The following CFAP299 variants were observed in gnomAD, a reference collection of about 807,000 sequenced individuals.
CFAP299 encodes cilia- and flagella-associated protein 299.
A neutral mutation model predicts 27.0 loss-of-function variants in CFAP299; 21 were observed. The observed-to-expected ratio is 0.78, with a 90% CI of 0.55 to 1.12. CFAP299 has a LOEUF of 1.12. Ranked by LOEUF, CFAP299 falls within the 50% of genes most tolerant of loss-of-function variation. CFAP299 has a pLI of 0.00. For missense variants in CFAP299, 310 were observed against 276.6 expected (o/e 1.12, Z -0.86); for synonymous variants, 104 against 98.1 (o/e 1.06, Z -0.36).
chr4:80,665,008 G>T (rs539709078), intron 3 of CFAP299, among the ~76,000 whole-genome samples: 2 of 152,062 alleles, frequency 1.3e-5, no homozygotes, highest in South Asian at 2.1e-4. Context: ...TGCACTTCCC[G>T]GGTGAGGCAA....
At chr4:80,419,316 G>A (rs1727172986) in intron 2 of CFAP299, among the ~76,000 whole-genome samples, 1 of 152,156 alleles carries the variant, frequency 6.6e-6, no homozygotes, top group Admixed American at 6.5e-5. Flanking sequence ...CCCTTGGGGT[G>A]GGCTGTTCAC....
At chr4:80,683,886 T>C in intron 3 of CFAP299, among the ~76,000 whole-genome samples, 1 of 152,240 alleles carries the variant, frequency 6.6e-6, no homozygotes, top group East Asian at 1.9e-4. Flanking sequence ...CAAAGCAATC[T>C]AGTGCATTTC....
intron 1 of CFAP299, among the ~76,000 whole-genome samples, chr4:80,339,807 A>G (rs1040762735): frequency 2.0e-5 from 3 of 152,232 alleles, no homozygotes; most frequent in African/African-American, 7.2e-5. Flanking sequence ...TTCTATTTAA[A>G]TAAACACAGG....
At chr4:80,785,463 C>G (rs941249253) in intron 3 of CFAP299, among the ~76,000 whole-genome samples, 6 of 152,042 alleles carry the variant, frequency 3.9e-5, no homozygotes, top group Admixed American at 3.9e-4. Flanking sequence ...ATTTTCATGG[C>G]CAGAATTTCA....
At chr4:80,906,997 C>T (rs1735217766) in intron 4 of CFAP299, among the ~76,000 whole-genome samples, 1 of 152,182 alleles carries the variant, frequency 6.6e-6, no homozygotes, top group Non-Finnish European at 1.5e-5. Context: ...TTCTTTACTA[C>T]CACATTGTCA....
At chr4:80,608,201 A>C in intron 3 of CFAP299, 1 of 567,132 alleles carries the variant, frequency 1.8e-6, no homozygotes, top group Non-Finnish European at 3.1e-6. Context: ...TGTTGTCGAG[A>C]CTAAGTAATT....
chr4:80,898,908 T>C (rs1002968615), intron 4 of CFAP299, among the ~76,000 whole-genome samples: 3 of 152,178 alleles, frequency 2.0e-5, no homozygotes, highest in Non-Finnish European at 4.4e-5. Context: ...ACAGCTTCTC[T>C]AAAGAGGTAA....
intron 3 of CFAP299, among the ~76,000 whole-genome samples, chr4:80,659,346 A>C (rs1221080391): frequency 2.0e-5 from 3 of 152,074 alleles, no homozygotes; most frequent in Admixed American, 2.0e-4. Context: ...TCAATGAAAA[A>C]AAAACAAAAG....
intron 3 of CFAP299, among the ~76,000 whole-genome samples, chr4:80,718,124 T>G (rs1483961653): frequency 6.6e-6 from 1 of 152,070 alleles, no homozygotes; most frequent in African/African-American, 2.4e-5. Context: ...TTAGGAATCA[T>G]CAGTATAGTT....
At chr4:80,825,220 C>T (rs993471235) in intron 3 of CFAP299, among the ~76,000 whole-genome samples, 11 of 150,568 alleles carry the variant, frequency 7.3e-5, no homozygotes, top group Non-Finnish European at 1.0e-4. Flanking sequence ...TTATTATGTC[C>T]GAGGAAAAGA....
intron 3 of CFAP299, among the ~76,000 whole-genome samples, chr4:80,743,796 C>T (rs1233589542): frequency 6.6e-6 from 1 of 152,118 alleles, no homozygotes; most frequent in Non-Finnish European, 1.5e-5. Context: ...AACAAACCTG[C>T]ACATTCTGCA....
intron 2 of CFAP299, among the ~76,000 whole-genome samples, chr4:80,451,951 A>T (rs1560573752): frequency 6.6e-6 from 1 of 152,212 alleles, no homozygotes; most frequent in Admixed American, 6.5e-5. Flanking sequence ...ATGTGCTAAG[A>T]TTGTTACCTT....
At chr4:80,325,078 A>G in the CFAP299 span, among the ~76,000 whole-genome samples, 1 of 152,264 alleles carries the variant, frequency 6.6e-6, no homozygotes, top group Admixed American at 6.5e-5. Flanking sequence ...AGCCAAGATC[A>G]TGGCACTGCA....
chr4:80,717,851 A>T (rs533215077), intron 3 of CFAP299, among the ~76,000 whole-genome samples: 1 of 152,110 alleles, frequency 6.6e-6, no homozygotes, highest in Non-Finnish European at 1.5e-5. Flanking sequence ...AAATGTACAG[A>T]TGTTTGCTAG....
At chr4:80,687,300 C>A (rs950777357) in intron 3 of CFAP299, among the ~76,000 whole-genome samples, 2 of 152,288 alleles carry the variant, frequency 1.3e-5, no homozygotes, top group Admixed American at 1.3e-4. Flanking sequence ...ATCTCCTCAG[C>A]CTTAGAACTC....
chr4:80,530,548 A>G (rs1733413786), intron 2 of CFAP299, among the ~76,000 whole-genome samples: 4 of 152,180 alleles, frequency 2.6e-5, no homozygotes, highest in Admixed American at 6.5e-5. Context: ...CCTATGTAAC[A>G]GACAATGGTC....
intron 2 of CFAP299, among the ~76,000 whole-genome samples, chr4:80,505,613 G>A (rs1417634251): frequency 6.6e-6 from 1 of 152,064 alleles, no homozygotes; most frequent in Non-Finnish European, 1.5e-5. Flanking sequence ...AAGCAATACT[G>A]GAAAGGTACC....
At chr4:80,388,115 G>C (rs757397121) in intron 2 of CFAP299, 5 of 684,474 alleles carry the variant, frequency 7.3e-6, no homozygotes, top group Non-Finnish European at 1.3e-5. Context: ...ATTCCCACCA[G>C]GATTGGGATG....
At chr4:80,728,485 C>A (rs552372778) in intron 3 of CFAP299, among the ~76,000 whole-genome samples, 49 of 152,158 alleles carry the variant, frequency 3.2e-4, no homozygotes, top group African/African-American at 1.2e-3. Flanking sequence ...TGAAACTATT[C>A]AGGAACACAA....
Sources: gnomAD v4.1 joint callset for allele counts (sites outside exome capture counted in the v4.1 genomes callset) on GRCh38, gnomAD v4.1.1 for gene constraint, MANE v1.5 for transcripts, NCBI Gene and HGNC (gene_info 2026-07-23, HGNC 2026-07-21) for gene names.